Variants in CEMIP2 observed in about 807,000 individuals in gnomAD.
CEMIP2 encodes cell migration inducing hyaluronidase 2.
In CEMIP2, 79 loss-of-function variants were observed where a neutral mutation model predicts 146.9. That is an observed-to-expected ratio of 0.54 (90% CI 0.45 to 0.65). The LOEUF is 0.65. Among genes scored for constraint, CEMIP2 ranks in the 30% least tolerant of loss-of-function variants. The pLI is 0.00. For missense variants in CEMIP2, 1,596 were observed against 1,696.2 expected, an observed-to-expected ratio of 0.94 and a Z score of 1.04; for synonymous variants, 601 against 606.3, an observed-to-expected ratio of 0.99 and a Z score of 0.13.
rs1185060901 is a variant in CEMIP2, at chr9:71,740,324, C to G, written c.1035-92G>C. 4 of 1,459,824 alleles carry G rather than the reference C, an allele frequency of 2.7e-6. No homozygotes were observed. The African/African-American group carries it at 5.6e-5, about 21-fold the overall frequency. The allele number at this position is 1,459,824 out of a possible 1,614,324, so 90.4% of individuals were successfully genotyped here. ...TGTTATTACAGAGTGCTGTTTAATT[C>G]TCATATTTCATTTTCGTCAATCCCT... On this transcript the variant is annotated intron_variant, in intron 4 of 23. Transcript: ENST00000377044.
intron 4 of CEMIP2, among the ~76,000 whole-genome samples, chr9:71,741,631 GTTTT>G (rs11334265): frequency 5.5e-5 from 4 of 73,124 alleles, no homozygotes; most frequent in Non-Finnish European, 9.6e-5. Context: ...TTCTTTTCTG[GTTTT>G]TTTTTTTTTT....
Position 71,745,324 on chromosome 9 carries a change from A to G in CEMIP2, c.728T>C (p.Leu243Ser). 1.2e-6 allele frequency: 2 copies of G among 1,613,484 alleles called. No homozygotes were observed. Among genetic ancestry groups the G allele is most frequent in the Non-Finnish European group, 1.7e-6 (2 of 1,179,444 alleles). The change falls in exon 4 of 24, where the codon TTG (leucine) becomes TCG (serine). Residue 243 changes from leucine (L) to serine (S), a missense_variant. By Grantham distance (145) the Leu-to-Ser change is moderately radical (BLOSUM62 -2). Coordinates refer to ENST00000377044, the MANE Select transcript of CEMIP2 (RefSeq NM_013390.3). Reference protein sequence around the residue: ...HGARKASWTLLARTLNSSGLP... With the variant: ...HGARKASWTLSARTLNSSGLP... ...GCCTGAGGAATTCAGGGTCCTTGCC[A>G]ACAACGTCCACGATGCCTTCCGTGC...
chr9:71,744,939 G>A (rs1824031808), intron 4 of CEMIP2, 79 bp downstream of exon 4: 2 of 1,456,152 alleles, frequency 1.4e-6, no homozygotes, highest in Admixed American at 4.1e-5. Flanking sequence ...TGCTGTGGCT[G>A]TGGCTCCTTT....
Position 71,730,142 on chromosome 9 carries a change from T to A in CEMIP2, c.1885A>T (p.Thr629Ser), listed in dbSNP as rs1454778108. The A allele has an allele frequency of 6.2e-7, 1 of 1,613,922 alleles. No homozygotes were observed. Among genetic ancestry groups the A allele is most frequent in the Non-Finnish European group, 8.5e-7 (1 of 1,180,040 alleles). Reference protein sequence around the residue: ...HNLGLLTKPGTLLPTDRNNSM... With the variant: ...HNLGLLTKPGSLLPTDRNNSM... ...TTGTTCCTATCGGTGGGCAGGAGAGTACCCGGCTTGGTGAGGAGTCCCAGA... is the reference window on the plus strand; with the variant it reads ...TTGTTCCTATCGGTGGGCAGGAGAGAACCCGGCTTGGTGAGGAGTCCCAGA... Residue 629 changes from threonine to serine, a missense_variant, in exon 9 of 24, where the codon ACT becomes TCT. Coordinates refer to ENST00000377044, the MANE Select transcript of CEMIP2 (RefSeq NM_013390.3).
intron 4 of CEMIP2, among the ~76,000 whole-genome samples, 167 bp downstream of exon 4, chr9:71,744,851 G>A (rs1280914757): frequency 6.6e-6 from 1 of 152,126 alleles, no homozygotes; most frequent in Non-Finnish European, 1.5e-5. Flanking sequence ...TTTGTATGTG[G>A]TGTCCTATCC....
chr9:71,762,503 C>CAAAAAAA (rs58090104), intron 1 of CEMIP2, among the ~76,000 whole-genome samples: 1,004 of 79,556 alleles, frequency 0.013, 80 homozygotes, highest in African/African-American at 0.033. Flanking sequence ...GCCCCGTCAC[C>CAAAAAAA]AAAAAAAAAA....
intron 18 of CEMIP2, among the ~76,000 whole-genome samples, chr9:71,702,261 G>GAAAAAAA (rs67059194): frequency 9.4e-6 from 1 of 106,132 alleles, no homozygotes; most frequent in African/African-American, 3.5e-5. Flanking sequence ...TTGTCTCAAG[G>GAAAAAAA]AAAAAAAAAA....
chr9:71,735,893 G>A (rs1055662374), intron 5 of CEMIP2, among the ~76,000 whole-genome samples: 5 of 152,156 alleles, frequency 3.3e-5, no homozygotes, highest in Admixed American at 1.3e-4. Context: ...AGGAGTTCAA[G>A]ACTAGCTTGA....
intron 12 of CEMIP2, 118 bp downstream of exon 12, chr9:71,722,309 G>T (rs1001434725): frequency 6.7e-6 from 5 of 742,504 alleles, no homozygotes; most frequent in African/African-American, 5.3e-5. Context: ...ACCCTTTTAC[G>T]AACTTCTAAA....
At chr9:71,720,277 T>C (rs1823196310) in intron 12 of CEMIP2, among the ~76,000 whole-genome samples, 1 of 152,160 alleles carries the variant, frequency 6.6e-6, no homozygotes, top group Admixed American at 6.5e-5. Flanking sequence ...GAAAGGCTTA[T>C]GTGATTAACA....
intron 18 of CEMIP2, among the ~76,000 whole-genome samples, chr9:71,702,190 G>A (rs1014021102): frequency 1.1e-4 from 17 of 150,872 alleles, no homozygotes; most frequent in African/African-American, 4.1e-4. Context: ...CCCAGGAGGC[G>A]GAGGTTGCAG....
chr9:71,752,696 T>C (rs1824297983), intron 1 of CEMIP2, among the ~76,000 whole-genome samples: 1 of 152,026 alleles, frequency 6.6e-6, no homozygotes. Flanking sequence ...AAACAGTGAA[T>C]AAGATTCTAG....
intron 15 of CEMIP2, 31 bp from the exon 16 acceptor site, chr9:71,712,291 T>C (rs746187825): frequency 1.9e-6 from 3 of 1,605,412 alleles, no homozygotes; most frequent in Non-Finnish European, 1.7e-6. Flanking sequence ...GTTTAATGCA[T>C]ATGGGCTGTC....
chr9:71,689,339 C>T (rs1360007042), intron 22 of CEMIP2, among the ~76,000 whole-genome samples: 1 of 152,180 alleles, frequency 6.6e-6, no homozygotes, highest in African/African-American at 2.4e-5. Context: ...AAGTTCCTTC[C>T]TTAATGGTTC....
At chr9:71,752,103 A>T (rs1269285194) in intron 1 of CEMIP2, among the ~76,000 whole-genome samples, 2 of 152,128 alleles carry the variant, frequency 1.3e-5, no homozygotes, top group South Asian at 2.1e-4. Flanking sequence ...ACTGAGGCCC[A>T]GGGAGGTTAA....
intron 10 of CEMIP2, among the ~76,000 whole-genome samples, chr9:71,727,682 G>A (rs1823431164): frequency 6.6e-6 from 1 of 152,142 alleles, no homozygotes; most frequent in Admixed American, 6.5e-5. Flanking sequence ...GTATAAATAT[G>A]AATATTTAGG....
intron 23 of CEMIP2, 43 bp downstream of exon 23, chr9:71,685,700 T>G (rs1366362902): frequency 6.6e-7 from 1 of 1,512,482 alleles, no homozygotes; most frequent in Non-Finnish European, 9.2e-7. Flanking sequence ...TTACCTATGT[T>G]GCTGGCCCTG....
rs763605378 is a variant in CEMIP2 at position 71,718,030 on chromosome 9, G to T, written c.2317C>A (p.Leu773Ile). 1.2e-6 allele frequency: 2 copies of T among 1,613,050 alleles called. No homozygotes were observed. Among genetic ancestry groups the T allele is most frequent in the South Asian group, 2.2e-5 (2 of 90,882 alleles). The change falls in exon 13 of 24, where the codon CTA (leucine) becomes ATA (isoleucine). Residue 773 changes from leucine (L) to isoleucine (I), a missense_variant. Leu to Ile is a conservative substitution (Grantham distance 5). Coordinates refer to ENST00000377044, the MANE Select transcript of CEMIP2 (RefSeq NM_013390.3). ...ANPEKPRVAALIDRLIAFKNN... is the reference protein window; with the variant it reads ...ANPEKPRVAAIIDRLIAFKNN... Reference sequence around the variant, plus strand: ...TTAAAAGCAATGAGCCTGTCAATTAGAGCAGCAACACGTGGTTTTTCGGGG... The same window carrying T: ...TTAAAAGCAATGAGCCTGTCAATTATAGCAGCAACACGTGGTTTTTCGGGG...
chr9:71,727,633 G>C (rs566102102), intron 10 of CEMIP2, among the ~76,000 whole-genome samples: 7 of 150,870 alleles, frequency 4.6e-5, no homozygotes, highest in African/African-American at 1.7e-4. Flanking sequence ...AACAATGCTA[G>C]GTATTTATTT....
Sources: gnomAD v4.1 joint callset for allele counts (sites outside exome capture counted in the v4.1 genomes callset) on GRCh38, gnomAD v4.1.1 for gene constraint, MANE v1.5 for transcripts, NCBI Gene and HGNC (gene_info 2026-07-23, HGNC 2026-07-21) for gene names.